The following PARD6G variants were observed in gnomAD, a reference collection of about 807,000 sequenced individuals.
PARD6G encodes par-6 family cell polarity regulator gamma.
Under a neutral mutation model 10.7 loss-of-function variants are expected in PARD6G, and 7 were observed. That is an observed-to-expected ratio of 0.66 (90% CI 0.37 to 1.23). The LOEUF (loss-of-function observed/expected upper bound fraction) is 1.23. Among genes scored for constraint, PARD6G ranks in the 50% most tolerant of loss-of-function variants. The pLI is 0.02. For synonymous variants in PARD6G, 287 were observed against 269.4 expected (o/e 1.07, Z -0.64); for missense variants, 548 against 571.8 (o/e 0.96, Z 0.42).
Position 80,157,968 on chromosome 18 carries a change from C to T in PARD6G, c.*1803G>A, listed in dbSNP as rs1223633055. On this transcript the variant is annotated 3_prime_UTR_variant, in exon 3 of 3. Coordinates refer to ENST00000353265, the MANE Select transcript of PARD6G (RefSeq NM_032510.4). ...CCACAAGGAGAAGCAGCGGGAGGTA[C>T]GCAGCTCCGACAACCTAGAAAAATA... The T allele has an allele frequency of 6.6e-6, 1 of 152,214 alleles. No homozygotes were observed. Among genetic ancestry groups the T allele is most frequent in the African/African-American group, 2.4e-5 (1 of 41,400 alleles). The allele number at this position is 152,214 out of a possible 1,614,324, so 9.4% of individuals were successfully genotyped here. A position where few individuals can be genotyped will look rare whatever the true frequency, so the allele number is the denominator to read the frequency against.
In PARD6G at chr18:80,160,247, C is replaced by T. The variant is rs1358898649; in HGVS notation, c.655G>A (p.Val219Met). The T allele has an allele frequency of 1.9e-6, 3 of 1,612,796 alleles. No individual in the cohort carries two copies. Among genetic ancestry groups the T allele is most frequent in the Admixed American group, 3.3e-5 (2 of 60,002 alleles). Residue 219 changes from valine (V) to methionine (M), a missense_variant, in exon 3 of 3, where the codon GTG becomes ATG. Physicochemically the swap from Val to Met is conservative, Grantham distance 21. Transcript: ENST00000353265. The stretch of plus-strand genomic sequence containing the variant: ...TTCCCGGCCACCTCAATGCCGTTCA[C>T]CTCCAGGACCTCGTCATTCACAGCC... ...LLAVNDEVLE[V>M]NGIEVAGKTL...
At chr18:80,223,939 C>T (rs1568441447) in intron 1 of PARD6G, among the ~76,000 whole-genome samples, 3 of 152,188 alleles carry the variant, frequency 2.0e-5, no homozygotes, top group Non-Finnish European at 4.4e-5. Context: ...TTTGGTCCAA[C>T]CCAGCTGGCA....
rs757860400 is a variant in PARD6G, at chr18:80,213,619, GCAA to G, written c.73-10690_73-10688del. Among the ~76,000 whole-genome samples, 16 of 152,254 alleles carry G rather than the reference GCAA, an allele frequency of 1.1e-4. No homozygotes were observed. The South Asian group carries it at 1.5e-3, about 14-fold the overall frequency. On this transcript the variant is annotated intron_variant, in intron 1 of 2. Coordinates refer to ENST00000353265, the MANE Select transcript of PARD6G (RefSeq NM_032510.4). ...AGGAAAGTCACTAAAAAATCCAACA[GCAA>G]CAACAACAAAACCCTTGAGAAGGAA... is the stretch of plus-strand genomic sequence containing the variant.
chr18:80,201,093 C>T lies in PARD6G; in HGVS notation c.295+1617G>A, dbSNP rs914680820. ...CAGCCAGGAACACACCCCCACCCTA[C>T]GCTCCTGGTCGGGTGGAGACAGACG... On this transcript the variant is annotated intron_variant, in intron 2 of 2. Coordinates refer to ENST00000353265, the MANE Select transcript of PARD6G (RefSeq NM_032510.4). This position sits in a 1 kb window ranked among gnomAD's most constrained non-coding sequence, Gnocchi z 5.9. Among the ~76,000 whole-genome samples the T allele has an allele frequency of 1.2e-4, 19 of 152,134 alleles. No individual in the cohort carries two copies. Among genetic ancestry groups the T allele is most frequent in the Non-Finnish European group, 2.4e-4 (16 of 68,024 alleles).
chr18:80,195,213 C>T (rs1269732679), intron 2 of PARD6G, among the ~76,000 whole-genome samples: 2 of 152,170 alleles, frequency 1.3e-5, no homozygotes, highest in Non-Finnish European at 2.9e-5. Flanking sequence ...ATTTTTACCA[C>T]ACAACACTCT....
In PARD6G at chr18:80,160,064, G is replaced by C. The variant is rs1286249114; in HGVS notation, c.838C>G (p.Pro280Ala). 1.3e-6 allele frequency: 2 copies of C among 1,565,730 alleles called. No homozygotes were observed. Among genetic ancestry groups the C allele is most frequent in the Non-Finnish European group, 8.6e-7 (1 of 1,159,544 alleles). The change falls in exon 3 of 3, where the codon CCC becomes GCC. Residue 280 changes from proline (P) to alanine (A), a missense_variant. Pro to Ala is a conservative substitution (Grantham distance 27). Transcript: ENST00000353265. The stretch of plus-strand genomic sequence containing the variant: ...AAGTTCTGCAGGACGCGCGGGGCGG[G>C]GGGACCCACGAAGCCCGCGGTGCCG... ...SDGTAGFVGP[P>A]APRVLQNFHP...
At chr18:80,194,455 G>A (rs1966931476) in intron 2 of PARD6G, among the ~76,000 whole-genome samples, 1 of 152,110 alleles carries the variant, frequency 6.6e-6, no homozygotes, top group African/African-American at 2.4e-5. Context: ...TATACAACTT[G>A]GTTTATTGTG....
intron 2 of PARD6G, chr18:80,169,829 G>A (rs1309807681): frequency 3.9e-5 from 6 of 152,234 alleles, no homozygotes; most frequent in Non-Finnish European, 7.3e-5. Flanking sequence ...ATGGTCCCCT[G>A]GTGAATTGCC....
At chr18:80,240,905 A>T (rs116569217) in intron 1 of PARD6G, among the ~76,000 whole-genome samples, 8 of 152,294 alleles carry the variant, frequency 5.3e-5, no homozygotes, top group African/African-American at 1.7e-4. Flanking sequence ...TAAGGCAGGG[A>T]TGTTGTACGT....
rs1045016944 is a variant in PARD6G, at chr18:80,160,487, C to T, written c.415G>A (p.Asp139Asn). The T allele has an allele frequency of 1.3e-6, 2 of 1,550,370 alleles. No homozygotes were observed. Among genetic ancestry groups the T allele is most frequent in the Non-Finnish European group, 1.7e-6 (2 of 1,147,796 alleles). Residue 139 changes from aspartate (D) to asparagine (N), a missense_variant, in exon 3 of 3, where the codon GAC (aspartate) becomes AAC (asparagine). Asp to Asn is a conservative substitution (Grantham distance 23, BLOSUM62 1). Transcript: ENST00000353265. ...RAHLDIGLPRDFRPVSSIIDV... is the reference protein window; with the variant it reads ...RAHLDIGLPRNFRPVSSIIDV... The stretch of plus-strand genomic sequence containing the variant: ...ATGATGGATGATACGGGGCGGAAGT[C>T]GCGCGGGAGGCCGATGTCCAGGTGT...
intron 1 of PARD6G, among the ~76,000 whole-genome samples, chr18:80,205,044 G>C (rs545922398): frequency 1.5e-3 from 222 of 152,266 alleles, no homozygotes; most frequent in Non-Finnish European, 2.5e-3. Flanking sequence ...TACTCAGTAA[G>C]GGAAGAAGTG....
intron 1 of PARD6G, among the ~76,000 whole-genome samples, chr18:80,244,324 C>G (rs1967520375): frequency 1.3e-5 from 2 of 152,228 alleles, no homozygotes; most frequent in South Asian, 4.1e-4. Context: ...TGGTGAGGAA[C>G]AGATGAATCA....
At chr18:80,235,898 T>A (rs894965541) in intron 1 of PARD6G, among the ~76,000 whole-genome samples, 6 of 152,152 alleles carry the variant, frequency 3.9e-5, no homozygotes, top group Non-Finnish European at 8.8e-5. Context: ...CCAGATGGAT[T>A]CACAGCCGAA....
rs553080012 is a variant in PARD6G at position 80,203,891 on chromosome 18, A to G, written c.73-959T>C. On this transcript the variant is annotated intron_variant, in intron 1 of 2. Transcript: ENST00000353265. ...ACCTGGTTAAAATCATACAAGTCCA[A>G]GGGAGACAGGATGATGGTCTGGTCT... is the stretch of plus-strand genomic sequence containing the variant. 5.3e-5 allele frequency among the ~76,000 whole-genome samples: 8 copies of G among 152,340 alleles called. No homozygotes were observed. The South Asian group carries it at 1.7e-3, about 32-fold the overall frequency.
In PARD6G at chr18:80,247,422, C is replaced by CCCCAGGCCCCGG; in HGVS notation, c.-86_-75dup. 7.8e-7 allele frequency: 1 copy of CCCCAGGCCCCGG among 1,276,146 alleles called. No individual in the cohort carries two copies. The highest frequency in any genetic ancestry group is 1.1e-6 in the Non-Finnish European group (1 of 949,128). 79.1% of individuals were successfully genotyped at this position (1,276,146 alleles called of 1,614,324 possible). On this transcript the variant is annotated 5_prime_UTR_variant, in exon 1 of 3. Coordinates refer to ENST00000353265, the MANE Select transcript of PARD6G (RefSeq NM_032510.4). This position sits in a 1 kb window ranked among gnomAD's most constrained non-coding sequence, Gnocchi z 4.2. ...GCAGAAAGACTCCCGGGGGCGGCGC[C>CCCCAGGCCCCGG]CCCAGGCCCCGGCCCCGGCCCCGGC... is the stretch of plus-strand genomic sequence containing the variant.
At chr18:80,210,941 A>G (rs946664664) in intron 1 of PARD6G, among the ~76,000 whole-genome samples, 13 of 149,494 alleles carry the variant, frequency 8.7e-5, no homozygotes, top group African/African-American at 3.2e-4. Context: ...GAGTCAATAC[A>G]TTGAAGGCCT....
chr18:80,178,264 C>G (rs1290586480), intron 2 of PARD6G: 1 of 155,204 alleles, frequency 6.4e-6, no homozygotes, highest in Non-Finnish European at 1.5e-5. Context: ...GAGAACAGGT[C>G]TGACTCCTCA....
chr18:80,170,620 C>T (rs117301167), intron 2 of PARD6G: 2,580 of 152,416 alleles, frequency 0.017, 46 homozygotes, highest in Non-Finnish European at 0.023. Context: ...GCCTGAGCAA[C>T]AGACACAGCG....
Position 80,227,451 on chromosome 18 carries a change from T to A in PARD6G, c.72+19826A>T, listed in dbSNP as rs557824581. 1.2e-3 allele frequency among the ~76,000 whole-genome samples: 183 copies of A among 152,286 alleles called. 1 individual carries two copies. Among genetic ancestry groups the A allele is most frequent in the Non-Finnish European group, 2.2e-3 (153 of 68,020 alleles). On this transcript the variant is annotated intron_variant, in intron 1 of 2. Coordinates refer to ENST00000353265, the MANE Select transcript of PARD6G (RefSeq NM_032510.4). Reference sequence around the variant, plus strand: ...ATCTTCCCCCATCTGGAGCCAAATGTCAGCATGCAGGTGAAGATGTTTTCA... The same window carrying A: ...ATCTTCCCCCATCTGGAGCCAAATGACAGCATGCAGGTGAAGATGTTTTCA...
Sources: gnomAD v4.1 joint callset for allele counts (sites outside exome capture counted in the v4.1 genomes callset) on GRCh38, gnomAD v4.1.1 for gene constraint, Gnocchi (gnomAD v3.1) non-coding constraint, MANE v1.5 for transcripts, NCBI Gene and HGNC (gene_info 2026-07-23, HGNC 2026-07-21) for gene names.